MMD: variants seen among roughly 807,000 people sequenced by gnomAD.
MMD encodes the protein monocyte to macrophage differentiation associated, also known as monocyte to macrophage differentiation factor.
Under a neutral mutation model 33.6 loss-of-function variants are expected in MMD, and 22 were observed. That is an observed-to-expected ratio of 0.66 (90% CI 0.47 to 0.94). The LOEUF (loss-of-function observed/expected upper bound fraction) is 0.94. MMD is among the 40% of genes least tolerant of loss of function. The pLI is 0.00. For missense variants in MMD, 242 were observed against 309.8 expected, an observed-to-expected ratio of 0.78 and a Z score of 1.64; for synonymous variants, 97 against 103.2, an observed-to-expected ratio of 0.94 and a Z score of 0.36.
intron 6 of MMD, among the ~76,000 whole-genome samples, chr17:55,401,024 G>GAAAAATACC (rs1907306269): frequency 6.6e-6 from 1 of 152,176 alleles, no homozygotes; most frequent in South Asian, 2.1e-4. Flanking sequence ...AAAGGGATTT[G>GAAAAATACC]AAAAATACCT....
chr17:55,407,642 C>A, intron 4 of MMD, 104 bp downstream of exon 4: 1 of 991,796 alleles, frequency 1.0e-6, no homozygotes. Context: ...AGGTGGTGTA[C>A]ACATGAGGGC....
In MMD at chr17:55,407,811, C is replaced by T; in HGVS notation, c.279G>A (p.Glu93=). The stretch of plus-strand genomic sequence containing the variant: ...TTCTATCACACATGTGAAAACAATG[C>T]TCCACTGTCCTAGCGAGGGGGAAAA... ...SWKKSHLRTV[E]HCFHMCDRMV... The change falls in exon 4 of 7, where the codon GAG becomes GAA. Residue 93 remains glutamate, a synonymous_variant. Transcript: ENST00000262065. 6.3e-7 allele frequency: 1 copy of T among 1,589,180 alleles called. No homozygotes were observed. Among genetic ancestry groups the T allele is most frequent in the Non-Finnish European group, 8.5e-7 (1 of 1,172,736 alleles).
chr17:55,421,562 C>A, intron 1 of MMD, 108 bp downstream of exon 1: 1 of 1,461,762 alleles, frequency 6.8e-7, no homozygotes. Context: ...GGTGCGGGAT[C>A]CACCCAGGAT....
chr17:55,400,307 G>A (rs1352630517), intron 6 of MMD, among the ~76,000 whole-genome samples: 1 of 152,122 alleles, frequency 6.6e-6, no homozygotes, highest in Non-Finnish European at 1.5e-5. Flanking sequence ...CAGCACTTTG[G>A]GAGGCCGAGG....
At chr17:55,420,628 A>G (rs986033589) in intron 1 of MMD, 3 of 152,212 alleles carry the variant, frequency 2.0e-5, no homozygotes, top group Admixed American at 6.5e-5. Context: ...AATAAAAGGT[A>G]GTGTCTAAAA....
At chr17:55,414,960 T>C (rs1907912506) in intron 1 of MMD, among the ~76,000 whole-genome samples, 1 of 152,210 alleles carries the variant, frequency 6.6e-6, no homozygotes, top group African/African-American at 2.4e-5. Flanking sequence ...CAAATGTGTG[T>C]ACGTATCTAA....
At chr17:55,415,936 A>G (rs989849734) in intron 1 of MMD, among the ~76,000 whole-genome samples, 2 of 152,250 alleles carry the variant, frequency 1.3e-5, no homozygotes, top group African/African-American at 4.8e-5. Flanking sequence ...AATATTTTAA[A>G]TAATTTTACT....
chr17:55,398,111 C>CAAA (rs57881926), intron 6 of MMD, among the ~76,000 whole-genome samples: 1,633 of 132,000 alleles, frequency 0.012, 34 homozygotes, highest in African/African-American at 0.043. Context: ...ATTATTTCTT[C>CAAA]AAAAAAAAAA....
At chr17:55,408,757 T>G (rs1907650645) in intron 3 of MMD, among the ~76,000 whole-genome samples, 2 of 152,218 alleles carry the variant, frequency 1.3e-5, no homozygotes, top group South Asian at 2.1e-4. Context: ...TCACAGCACT[T>G]TGGGAGGCTG....
chr17:55,402,890 T>C (rs1476812122), intron 5 of MMD, among the ~76,000 whole-genome samples: 1 of 152,226 alleles, frequency 6.6e-6, no homozygotes, highest in Admixed American at 6.5e-5. Context: ...ATTTTCTTCT[T>C]CTGAAAGGGG....
Position 55,421,501 on chromosome 17 carries a change from C to G in MMD, c.26+169G>C, listed in dbSNP as rs116350090. Among the ~76,000 whole-genome samples, 633 of 152,326 alleles carry G rather than the reference C, an allele frequency of 4.2e-3. 8 individuals carry two copies. The highest frequency in any genetic ancestry group is 0.014 in the African/African-American group (588 of 41,582). On this transcript the variant is annotated intron_variant, in intron 1 of 6. Transcript: ENST00000262065. ...GCTCCCATCCTTGGAGGAAGGGGAT[C>G]GCCCAGGGACAGCAGGGTGGGGAAT...
intron 5 of MMD, among the ~76,000 whole-genome samples, chr17:55,402,295 C>T (rs898117443): frequency 6.6e-6 from 1 of 152,036 alleles, no homozygotes; most frequent in Non-Finnish European, 1.5e-5. Context: ...CAAAAAGGAA[C>T]AGCAAGCCCT....
At chr17:55,399,599 G>A (rs997160179) in intron 6 of MMD, among the ~76,000 whole-genome samples, 1 of 152,134 alleles carries the variant, frequency 6.6e-6, no homozygotes, top group South Asian at 2.1e-4. Flanking sequence ...TGTAACACTT[G>A]CCTCACCCCT....
At chr17:55,414,402 G>A (rs988849324) in intron 1 of MMD, among the ~76,000 whole-genome samples, 170 bp from the exon 2 acceptor site, 1 of 152,124 alleles carries the variant, frequency 6.6e-6, no homozygotes, top group Admixed American at 6.5e-5. Context: ...TGAGCCAATA[G>A]CAATGATCCT....
At position 55,407,791 on chromosome 17, in the gene MMD, T is replaced by A. The variant is rs1907613936; in HGVS notation, c.299A>T (p.Asp100Val). 1 of 1,596,788 alleles carries A rather than the reference T, an allele frequency of 6.3e-7. No individual in the cohort carries two copies. The highest frequency in any genetic ancestry group is 1.1e-5 in the South Asian group (1 of 87,494). The change falls in exon 4 of 7, where the codon GAT (aspartate) becomes GTT (valine). Residue 100 changes from aspartate (D) to valine (V), a missense_variant. Physicochemically the swap from Asp to Val is radical, Grantham distance 152. Coordinates refer to ENST00000262065, the MANE Select transcript of MMD (RefSeq NM_012329.3). ...RTVEHCFHMC[D>V]RMVIYFFIAA... is the part of the protein sequence containing the mutation. ...AATGAAGAAATAGATAACCATTCTA[T>A]CACACATGTGAAAACAATGCTCCAC... is the stretch of plus-strand genomic sequence containing the variant.
Position 55,411,343 on chromosome 17 carries a change from T to G in MMD, c.183A>C (p.Thr61=). The G allele has an allele frequency of 3.1e-6, 5 of 1,614,110 alleles. No homozygotes were observed. Among genetic ancestry groups the G allele is most frequent in the Non-Finnish European group, 4.2e-6 (5 of 1,179,972 alleles). ...RLSDDCWEKI[T]AWIYGMGLCA... ...AGAGTCCCATTCCATAAATCCATGC[T>G]GTTATCTTTTCCCAGCAGTCATCAG... Residue 61 remains threonine (T), a synonymous_variant, in exon 3 of 7, where the codon ACA becomes ACC. Coordinates refer to ENST00000262065, the MANE Select transcript of MMD (RefSeq NM_012329.3).
intron 1 of MMD, among the ~76,000 whole-genome samples, chr17:55,416,180 T>C (rs1907962117): frequency 6.6e-6 from 1 of 152,260 alleles, no homozygotes; most frequent in African/African-American, 2.4e-5. Flanking sequence ...GTGCTCTGTG[T>C]AGGGTGCAGT....
rs1907440580 is a variant in MMD at position 55,403,871 on chromosome 17, A to T, written c.345-3T>A. On this transcript the variant is annotated splice_region_variant and splice_polypyrimidine_tract_variant and intron_variant, in intron 4 of 6. Coordinates refer to ENST00000262065, the MANE Select transcript of MMD (RefSeq NM_012329.3). ...GTCCAAGTTCACGAAGATTTAACCT[A>T]AAAATGTAAACGTGACAACAAAGAA... is the stretch of plus-strand genomic sequence containing the variant. 1 of 1,606,436 alleles carries T rather than the reference A, an allele frequency of 6.2e-7. No homozygotes were observed. The highest frequency in any genetic ancestry group is 8.5e-7 in the Non-Finnish European group (1 of 1,174,078).
intron 1 of MMD, among the ~76,000 whole-genome samples, chr17:55,421,393 G>A (rs1260785430): frequency 6.6e-6 from 1 of 152,210 alleles, no homozygotes; most frequent in East Asian, 1.9e-4. Context: ...GGATCCCCGG[G>A]AAGGAGGACA....
Sources: allele counts gnomAD v4.1 joint callset (sites outside exome capture counted in the v4.1 genomes callset), GRCh38; gene constraint gnomAD v4.1.1; transcripts MANE v1.5; gene names NCBI Gene and HGNC (gene_info 2026-07-23, HGNC 2026-07-21).